The following TENM2 variants were observed in gnomAD, a reference collection of about 807,000 sequenced individuals.
TENM2 encodes teneurin transmembrane protein 2, also known as teneurin-2.
TENM2 carries 52 observed loss-of-function variants against 245.2 expected under a neutral mutation model. The observed-to-expected ratio is 0.21, with a 90% CI of 0.17 to 0.27. TENM2 has a LOEUF of 0.27. Among genes scored for constraint, TENM2 ranks in the 10% least tolerant of loss-of-function variants. The probability of loss-of-function intolerance (pLI) is 1.00; values close to 1 mark genes in which losing one functional copy is unlikely to be tolerated. For synonymous variants in TENM2, 1,363 were observed against 1,438.9 expected, an observed-to-expected ratio of 0.95 and a Z score of 1.19; for missense variants, 3,046 against 3,666.8, an observed-to-expected ratio of 0.83 and a Z score of 4.37.
chr5:167,222,013 C>G, the TENM2 span, among the ~76,000 whole-genome samples: 1 of 152,110 alleles, frequency 6.6e-6, no homozygotes, highest in South Asian at 2.1e-4. Context: ...TAGCTCAATT[C>G]TACGTCGTTT....
chr5:168,191,197 G>A (rs1760921385), intron 14 of TENM2, among the ~76,000 whole-genome samples: 1 of 152,144 alleles, frequency 6.6e-6, no homozygotes, highest in Non-Finnish European at 1.5e-5. Flanking sequence ...GAATATTCTA[G>A]GGTCAAGTTC....
chr5:167,099,981 T>G, the TENM2 span, among the ~76,000 whole-genome samples: 1 of 152,166 alleles, frequency 6.6e-6, no homozygotes, highest in East Asian at 1.9e-4. Flanking sequence ...TCCTTGGTAC[T>G]TCTTCAACTT....
chr5:168,225,008 C>T (rs1047910957), intron 23 of TENM2, among the ~76,000 whole-genome samples: 1 of 152,122 alleles, frequency 6.6e-6, no homozygotes, highest in East Asian at 1.9e-4. Flanking sequence ...AGAGGAAAGA[C>T]GACACATATA....
chr5:167,470,742 G>A lies in TENM2; in HGVS notation c.502+95269G>A, dbSNP rs1766972349. ...TCATACATATCACATGCCTGGTCAT[G>A]GAGTTGTGGAGGCTGAGGCAAGCAA... On this transcript the variant is annotated intron_variant, in intron 2 of 28. Coordinates refer to ENST00000518659, the Ensembl canonical transcript of TENM2. Among the ~76,000 whole-genome samples, 7 of 151,938 alleles carry A rather than the reference G, an allele frequency of 4.6e-5. No homozygotes were observed. The South Asian group carries it at 1.5e-3, about 31-fold the overall frequency.
At chr5:167,007,454 C>T in the TENM2 span, among the ~76,000 whole-genome samples, 1 of 152,160 alleles carries the variant, frequency 6.6e-6, no homozygotes, top group Non-Finnish European at 1.5e-5. The surrounding 1 kb of genome is among the most constrained non-coding windows in gnomAD (Gnocchi z 4.2). Context: ...CTGCATAGGC[C>T]AAGCAAAAGT....
Position 168,218,350 on chromosome 5 carries a change from G to A in TENM2, c.4459G>A (p.Val1487Ile). 2 of 1,614,004 alleles carry A rather than the reference G, an allele frequency of 1.2e-6. No homozygotes were observed. The highest frequency in any genetic ancestry group is 1.3e-5 in the African/African-American group (1 of 75,034). Reference sequence around the variant, plus strand: ...TGCCATTGCCATTTCTCACACTGGGGTCCTCTACATCACTGAGACAGATGA... The same window carrying A: ...TGCCATTGCCATTTCTCACACTGGGATCCTCTACATCACTGAGACAGATGA... The change falls in exon 23 of 29, where the codon GTC becomes ATC. Residue 1487 changes from valine (V) to isoleucine (I), a missense_variant. Physicochemically the swap from Val to Ile is conservative, Grantham distance 29 (BLOSUM62 3). Transcript: ENST00000518659. This position sits in a 1 kb window ranked among gnomAD's most constrained non-coding sequence, Gnocchi z 5.2.
At chr5:167,328,282 C>G (rs1371225804) in intron 1 of TENM2, among the ~76,000 whole-genome samples, 1 of 141,886 alleles carries the variant, frequency 7.0e-6, no homozygotes, top group Non-Finnish European at 1.5e-5. Context: ...TCTTGGCTCA[C>G]TGCAACCTCT....
intron 1 of TENM2, among the ~76,000 whole-genome samples, chr5:167,374,650 G>C (rs1760636260): frequency 6.6e-6 from 1 of 151,986 alleles, no homozygotes. Context: ...TTCATTAGAG[G>C]GTTAACGCTG....
the TENM2 span, among the ~76,000 whole-genome samples, chr5:167,162,606 G>A: frequency 2.6e-4 from 38 of 146,996 alleles, no homozygotes; most frequent in Non-Finnish European, 4.9e-4. Context: ...GCAGCCTGGT[G>A]ACAAAGCAAG....
rs553497054 is a variant in TENM2, at chr5:167,525,241, G to C, written c.502+149768G>C. ...CTTAGACTGATACTTTGTGGGGTTGGTCTGATGTGACATGATCATGTGTCA... is the reference window on the plus strand; with the variant it reads ...CTTAGACTGATACTTTGTGGGGTTGCTCTGATGTGACATGATCATGTGTCA... On this transcript the variant is annotated intron_variant, in intron 2 of 28. Transcript: ENST00000518659. Among the ~76,000 whole-genome samples, 242 of 152,230 alleles carry C rather than the reference G, an allele frequency of 1.6e-3. 1 individual carries two copies. The highest frequency in any genetic ancestry group is 5.7e-3 in the African/African-American group (235 of 41,554).
the TENM2 span, among the ~76,000 whole-genome samples, chr5:167,266,341 A>G: frequency 0.083 from 12,577 of 152,248 alleles, 744 homozygotes; most frequent in East Asian, 0.19. Context: ...AGAGTTGGAA[A>G]TTTATTCATC....
At chr5:167,897,691 C>T (rs1372484621) in intron 3 of TENM2, among the ~76,000 whole-genome samples, 1 of 152,172 alleles carries the variant, frequency 6.6e-6, no homozygotes, top group Non-Finnish European at 1.5e-5. Flanking sequence ...CTCATTGGCA[C>T]CCACAGTCTT....
chr5:168,175,790 C>T (rs536965702), intron 13 of TENM2, among the ~76,000 whole-genome samples: 10 of 152,296 alleles, frequency 6.6e-5, no homozygotes, highest in African/African-American at 1.4e-4. Context: ...CAGCAGTCCC[C>T]GGAGCAAGCT....
chr5:167,500,059 A>AGG (rs1010006207), intron 2 of TENM2, among the ~76,000 whole-genome samples: 13 of 65,354 alleles, frequency 2.0e-4, no homozygotes, highest in African/African-American at 6.3e-4. Context: ...CATATATATG[A>AGG]GGGTGTGTGT....
intron 2 of TENM2, among the ~76,000 whole-genome samples, chr5:167,748,281 A>G (rs1276345477): frequency 6.6e-6 from 1 of 152,166 alleles, no homozygotes; most frequent in African/African-American, 2.4e-5. Flanking sequence ...TTATAATTGC[A>G]CCAAGTTTCA....
rs114121260 is a variant in TENM2 at position 168,058,985 on chromosome 5, A to C, written c.1310-3075A>C. Among the ~76,000 whole-genome samples the C allele has an allele frequency of 9.0e-3, 1,376 of 152,320 alleles. 13 individuals are homozygous for C. The highest frequency in any genetic ancestry group is 0.032 in the African/African-American group (1,310 of 41,582). The stretch of plus-strand genomic sequence containing the variant: ...TGCTAGAGGTCACACAGCATAAAAG[A>C]AGCAGAGCCAGGATTCAAACACAGT... On this transcript the variant is annotated intron_variant, in intron 6 of 28. Transcript: ENST00000518659.
the TENM2 span, among the ~76,000 whole-genome samples, chr5:167,264,514 T>C: frequency 6.6e-6 from 1 of 152,176 alleles, no homozygotes; most frequent in Non-Finnish European, 1.5e-5. Context: ...AATTCTGGGC[T>C]GTTTTCCCAT....
Position 168,262,733 on chromosome 5 carries a change from G to T in TENM2, c.8248G>T (p.Val2750Leu). Reference sequence around the variant, plus strand: ...GTACGAGGGATATTACGTGCTTCCCGTGGAGCAATACCCAGAGCTTGCAGA... The same window carrying T: ...GTACGAGGGATATTACGTGCTTCCCTTGGAGCAATACCCAGAGCTTGCAGA... The change falls in exon 29 of 29, where the codon GTG becomes TTG. Residue 2750 changes from valine (V) to leucine (L), a missense_variant. Physicochemically the swap from Val to Leu is conservative, Grantham distance 32. Coordinates refer to ENST00000518659, the Ensembl canonical transcript of TENM2. The T allele has an allele frequency of 2.5e-6, 4 of 1,611,000 alleles. No homozygotes were observed. The highest frequency in any genetic ancestry group is 3.4e-6 in the Non-Finnish European group (4 of 1,178,802).
At chr5:167,053,640 G>T in the TENM2 span, among the ~76,000 whole-genome samples, 27 of 152,120 alleles carry the variant, frequency 1.8e-4, no homozygotes, top group Admixed American at 1.2e-3. Context: ...GGAGGCTGAA[G>T]CAGTAGGATC....
Sources: allele counts gnomAD v4.1 joint callset (sites outside exome capture counted in the v4.1 genomes callset), GRCh38; gene constraint gnomAD v4.1.1; non-coding constraint Gnocchi (gnomAD v3.1); transcripts MANE v1.5; gene names NCBI Gene and HGNC (gene_info 2026-07-23, HGNC 2026-07-21).